Variants in TXLNB observed in about 807,000 individuals in gnomAD.
TXLNB encodes beta-taxilin.
Under a neutral mutation model 57.4 loss-of-function variants are expected in TXLNB, and 37 were observed. That is an observed-to-expected ratio of 0.64 (90% CI 0.50 to 0.85). The LOEUF (loss-of-function observed/expected upper bound fraction) is 0.85. TXLNB is among the 40% of genes least tolerant of loss of function. The probability of loss-of-function intolerance (pLI) is 0.00; values close to 1 mark genes in which losing one functional copy is unlikely to be tolerated. For missense variants in TXLNB, 848 were observed against 825.6 expected (o/e 1.03, Z -0.33); for synonymous variants, 302 against 309.6 (o/e 0.98, Z 0.26).
chr6:139,276,636 G>A (rs1427672346), intron 3 of TXLNB, among the ~76,000 whole-genome samples, 194 bp downstream of exon 3: 3 of 152,166 alleles, frequency 2.0e-5, no homozygotes, highest in African/African-American at 7.2e-5. Flanking sequence ...AAAGGAGAAG[G>A]CCACTGCCTA....
At chr6:139,215,405 G>C in the TXLNB span, among the ~76,000 whole-genome samples, 2 of 152,142 alleles carry the variant, frequency 1.3e-5, no homozygotes, top group Non-Finnish European at 2.9e-5. Flanking sequence ...AATGGTGCTT[G>C]GAAAACTGGC....
chr6:139,198,213 T>C, the TXLNB span, among the ~76,000 whole-genome samples: 3 of 151,354 alleles, frequency 2.0e-5, no homozygotes, highest in East Asian at 1.9e-4. Context: ...TTTTTTTAAC[T>C]AATAAACCTG....
the TXLNB span, among the ~76,000 whole-genome samples, chr6:139,198,189 A>G: frequency 6.6e-6 from 1 of 150,948 alleles, no homozygotes; most frequent in Non-Finnish European, 1.5e-5. Context: ...CTCAATATCC[A>G]TTGTACTTTT....
At chr6:139,252,864 G>A (rs1270560223) in intron 7 of TXLNB, among the ~76,000 whole-genome samples, 2 of 152,260 alleles carry the variant, frequency 1.3e-5, no homozygotes, top group Admixed American at 6.5e-5. Context: ...GGTGGCAGGT[G>A]CCTGTAGTCC....
chr6:139,276,354 C>T (rs1297971880), intron 3 of TXLNB, among the ~76,000 whole-genome samples: 1 of 152,222 alleles, frequency 6.6e-6, no homozygotes, highest in Non-Finnish European at 1.5e-5. Flanking sequence ...CATCTAACTT[C>T]ACTACTATTA....
chr6:139,291,231 C>T (rs192438323), intron 1 of TXLNB, among the ~76,000 whole-genome samples: 80 of 152,250 alleles, frequency 5.3e-4, no homozygotes, highest in African/African-American at 1.9e-3. Context: ...CCTTGAAAAT[C>T]AAGAGAATCG....
chr6:139,233,951 T>C, the TXLNB span, among the ~76,000 whole-genome samples: 3 of 152,144 alleles, frequency 2.0e-5, no homozygotes, highest in Non-Finnish European at 2.9e-5. Flanking sequence ...ACCAAAATGC[T>C]GATAGTGATA....
the TXLNB span, among the ~76,000 whole-genome samples, chr6:139,191,898 A>G: frequency 6.6e-6 from 1 of 152,324 alleles, no homozygotes; most frequent in African/African-American, 2.4e-5. Flanking sequence ...GTGTCAAGCG[A>G]AAGTAACTTC....
At chr6:139,265,426 ATG>A (rs533300015) in intron 4 of TXLNB, among the ~76,000 whole-genome samples, 23 of 150,006 alleles carry the variant, frequency 1.5e-4, no homozygotes, top group African/African-American at 2.2e-4. Flanking sequence ...GTGAGGTTGT[ATG>A]TGTGTGTGTG....
At chr6:139,279,419 C>A (rs1408643402) in intron 2 of TXLNB, among the ~76,000 whole-genome samples, 1 of 152,024 alleles carries the variant, frequency 6.6e-6, no homozygotes, top group African/African-American at 2.4e-5. Context: ...TTCCCTTCAA[C>A]AAAAAATCCA....
At chr6:139,167,386 C>A in the TXLNB span, 8 of 1,311,050 alleles carry the variant, frequency 6.1e-6, no homozygotes, top group Non-Finnish European at 5.3e-6. Flanking sequence ...ACAAACAAGA[C>A]AGATTGCTCT....
intron 6 of TXLNB, 73 bp downstream of exon 6, chr6:139,260,245 C>G: frequency 6.6e-7 from 1 of 1,505,940 alleles, no homozygotes; most frequent in Non-Finnish European, 9.0e-7. Flanking sequence ...TAAATAAATA[C>G]AAAACAACTT....
intron 9 of TXLNB, among the ~76,000 whole-genome samples, 178 bp from the exon 10 acceptor site, chr6:139,243,492 CTTTTTTTT>C (rs1161954954): frequency 1.6e-5 from 2 of 128,064 alleles, no homozygotes; most frequent in African/African-American, 5.9e-5. Context: ...CATCACTTTC[CTTTTTTTT>C]TTTTTTTTTT....
intron 1 of TXLNB, among the ~76,000 whole-genome samples, chr6:139,290,618 G>A (rs35162368): frequency 0.33 from 50,635 of 152,012 alleles, 9,288 homozygotes; most frequent in African/African-American, 0.5. Context: ...GGGCCCTTAG[G>A]AAAGGGTGAG....
At chr6:139,293,905 G>T (rs1777346740), upstream of TXLNB, among the ~76,000 whole-genome samples, 1 of 152,118 alleles carries the variant, frequency 6.6e-6, no homozygotes, top group African/African-American at 2.4e-5. Flanking sequence ...CACAAATTGG[G>T]TGGCATTCCA....
chr6:139,262,902 G>T (rs988469858), intron 4 of TXLNB, 129 bp from the exon 5 acceptor site: 1 of 857,260 alleles, frequency 1.2e-6, no homozygotes, highest in Non-Finnish European at 1.7e-6. Flanking sequence ...TAGAGCTAAA[G>T]CTGCTCAGCC....
chr6:139,238,137 C>T (rs1232769104), downstream of TXLNB, among the ~76,000 whole-genome samples: 10 of 152,052 alleles, frequency 6.6e-5, no homozygotes, highest in African/African-American at 1.7e-4. Flanking sequence ...CTCACGCCTG[C>T]AATCCCAGCA....
the TXLNB span, among the ~76,000 whole-genome samples, chr6:139,198,634 C>G: frequency 4.6e-5 from 7 of 152,146 alleles, no homozygotes; most frequent in African/African-American, 1.4e-4. Context: ...TGGTTTTGGC[C>G]AATTGAGGTG....
At chr6:139,200,275 T>C in the TXLNB span, among the ~76,000 whole-genome samples, 1 of 152,108 alleles carries the variant, frequency 6.6e-6, no homozygotes, top group Non-Finnish European at 1.5e-5. Flanking sequence ...CTCACAGGCA[T>C]CTCCCCTAAT....
Sources: allele counts gnomAD v4.1 joint callset (sites outside exome capture counted in the v4.1 genomes callset), GRCh38; gene constraint gnomAD v4.1.1; transcripts MANE v1.5; gene names NCBI Gene and HGNC (gene_info 2026-07-23, HGNC 2026-07-21).